TMEM184B: variants seen among roughly 807,000 people sequenced by gnomAD.
The protein encoded by TMEM184B is transmembrane protein 184B.
In TMEM184B, 17 loss-of-function variants were observed where a neutral mutation model predicts 41.8. The ratio of observed to expected loss-of-function variants is 0.41; its 90% CI spans 0.28 to 0.61. TMEM184B has a LOEUF of 0.61. Ranked by LOEUF, TMEM184B falls within the 20% of genes least tolerant of loss-of-function variation. The probability of loss-of-function intolerance (pLI) is 0.34; values close to 1 mark genes in which losing one functional copy is unlikely to be tolerated. For missense variants in TMEM184B, 393 were observed against 557.8 expected, an observed-to-expected ratio of 0.70 and a Z score of 2.98; for synonymous variants, 240 against 229.5, an observed-to-expected ratio of 1.05 and a Z score of -0.41.
At chr22:38,251,995 G>A (rs183101574) in intron 1 of TMEM184B, among the ~76,000 whole-genome samples, 70 of 150,962 alleles carry the variant, frequency 4.6e-4, no homozygotes, top group African/African-American at 1.6e-3. Context: ...CCCTAGGCCC[G>A]AGTGATCCTC....
At chr22:38,222,537 GGGA>G in intron 8 of TMEM184B, 1 of 965,820 alleles carries the variant, frequency 1.0e-6, no homozygotes, top group Non-Finnish European at 1.2e-6. Context: ...GGTGCCGGTG[GGGA>G]GGAGATGAGG....
intron 3 of TMEM184B, among the ~76,000 whole-genome samples, chr22:38,233,380 G>C (rs929259684): frequency 6.6e-6 from 1 of 152,184 alleles, no homozygotes; most frequent in Non-Finnish European, 1.5e-5. Flanking sequence ...AACTTGGCAG[G>C]TGGCTGTGAG....
At position 38,220,803 on chromosome 22, in the gene TMEM184B, C is replaced by T. The variant is rs1372152900; in HGVS notation, c.*666G>A. On this transcript the variant is annotated 3_prime_UTR_variant, in exon 9 of 9. Coordinates refer to ENST00000361906, the MANE Select transcript of TMEM184B (RefSeq NM_012264.5). Reference sequence around the variant, plus strand: ...TGTGGCCACGACAGGTGGGGATACCCAGGGGCCCAGAAGCCCCTGCTTCAA... The same window carrying T: ...TGTGGCCACGACAGGTGGGGATACCTAGGGGCCCAGAAGCCCCTGCTTCAA... 1.0e-6 allele frequency: 1 copy of T among 986,116 alleles called. No homozygotes were observed. The allele number at this position is 986,116 out of a possible 1,614,324, so 61.1% of individuals were successfully genotyped here. A position where few individuals can be genotyped will look rare whatever the true frequency, so the allele number is the denominator to read the frequency against.
intron 3 of TMEM184B, among the ~76,000 whole-genome samples, chr22:38,241,883 CAAAAA>C (rs34060428): frequency 3.1e-5 from 1 of 32,618 alleles, no homozygotes; most frequent in Non-Finnish European, 6.5e-5. Context: ...GACTCCGTCT[CAAAAA>C]AAAAAAAAAA....
intron 1 of TMEM184B, among the ~76,000 whole-genome samples, chr22:38,253,212 T>C (rs564576725): frequency 6.6e-6 from 1 of 152,248 alleles, no homozygotes; most frequent in African/African-American, 2.4e-5. Context: ...GCCCTGGCAC[T>C]CGGGGAGGTG....
rs1266054718 is a variant in TMEM184B, at chr22:38,239,501, T to C, written c.358+6434A>G. The stretch of plus-strand genomic sequence containing the variant: ...TCCATGGTCACCGAGTGGCGGATGG[T>C]TGGGGGTGGGGGTGGGAGTCAGAGC... On this transcript the variant is annotated intron_variant, in intron 3 of 8. Coordinates refer to ENST00000361906, the MANE Select transcript of TMEM184B (RefSeq NM_012264.5). This position sits in a 1 kb window ranked among gnomAD's most constrained non-coding sequence, Gnocchi z 4.6. 6.6e-6 allele frequency: 1 copy of C among 151,666 alleles called. No individual in the cohort carries two copies. The highest frequency in any genetic ancestry group is 2.1e-4 in the South Asian group (1 of 4,786). 9.4% of individuals were successfully genotyped at this position (151,666 alleles called of 1,614,324 possible). A position where few individuals can be genotyped will look rare whatever the true frequency, so the allele number is the denominator to read the frequency against.
chr22:38,233,281 C>T (rs775910826), intron 3 of TMEM184B, among the ~76,000 whole-genome samples: 41 of 152,246 alleles, frequency 2.7e-4, no homozygotes, highest in Non-Finnish European at 4.0e-4. Context: ...TCCCTTCACC[C>T]TTCACACACA....
Position 38,221,369 on chromosome 22 carries a change from G to C in TMEM184B, c.*100C>G, listed in dbSNP as rs889968360. ...GGTCCAATAAATAAAGGCGGCGTGA[G>C]CACTGTGCCAGCTGCCTCCTGGCCT... On this transcript the variant is annotated 3_prime_UTR_variant, in exon 9 of 9. Transcript: ENST00000361906. 1 of 1,496,738 alleles carries C rather than the reference G, an allele frequency of 6.7e-7. No homozygotes were observed. Among genetic ancestry groups the C allele is most frequent in the Non-Finnish European group, 8.8e-7 (1 of 1,130,542 alleles). 92.7% of individuals were successfully genotyped at this position (1,496,738 alleles called of 1,614,324 possible). A position where few individuals can be genotyped will look rare whatever the true frequency, so the allele number is the denominator to read the frequency against.
At position 38,246,359 on chromosome 22, in the gene TMEM184B, G is replaced by A. The variant is rs1017776971; in HGVS notation, c.193-259C>T. On this transcript the variant is annotated intron_variant, in intron 2 of 8. Coordinates refer to ENST00000361906, the MANE Select transcript of TMEM184B (RefSeq NM_012264.5). ...CTGTGGGGCAGTCTTGCAGGTGCAGGTGGCAGTGAGCCCACACCCCTGCCC... is the reference window on the plus strand; with the variant it reads ...CTGTGGGGCAGTCTTGCAGGTGCAGATGGCAGTGAGCCCACACCCCTGCCC... 3.9e-5 allele frequency among the ~76,000 whole-genome samples: 6 copies of A among 152,352 alleles called. No homozygotes were observed. The South Asian group carries it at 8.3e-4, about 21-fold the overall frequency.
chr22:38,223,070 G>C (rs562514169), intron 8 of TMEM184B: 1 of 152,682 alleles, frequency 6.5e-6, no homozygotes, highest in South Asian at 2.1e-4. Flanking sequence ...AGGCTCAGAG[G>C]GAGGGGTTAC....
Position 38,226,696 on chromosome 22 carries a change from TC to T in TMEM184B, c.617+82del. 1 of 1,403,964 alleles carries T rather than the reference TC, an allele frequency of 7.1e-7. No homozygotes were observed. The highest frequency in any genetic ancestry group is 2.0e-4 in the Middle Eastern group (1 of 4,958). 87.0% of individuals were successfully genotyped at this position (1,403,964 alleles called of 1,614,324 possible). A position where few individuals can be genotyped will look rare whatever the true frequency, so the allele number is the denominator to read the frequency against. Reference sequence around the variant, plus strand: ...AGGAAGGTCATGGCTGTGCGGCCACTCTGGCTGCCCCCTTCCCTGAGCCAAG... The same window carrying T: ...AGGAAGGTCATGGCTGTGCGGCCACTTGGCTGCCCCCTTCCCTGAGCCAAG... On this transcript the variant is annotated intron_variant, in intron 6 of 8. Transcript: ENST00000361906. This position sits in a 1 kb window ranked among gnomAD's most constrained non-coding sequence, Gnocchi z 4.6.
chr22:38,227,479 G>A (rs142263753), intron 5 of TMEM184B, among the ~76,000 whole-genome samples: 209 of 152,232 alleles, frequency 1.4e-3, no homozygotes, highest in East Asian at 3.1e-3. Context: ...GGAAGCCGGC[G>A]CAGGTGAGGG....
chr22:38,251,467 A>C (rs1196894805), intron 1 of TMEM184B, among the ~76,000 whole-genome samples: 1 of 152,198 alleles, frequency 6.6e-6, no homozygotes, highest in Non-Finnish European at 1.5e-5. Context: ...CCCAATACCC[A>C]AGAAAGCAGG....
chr22:38,230,266 G>A (rs1456122864), intron 5 of TMEM184B, among the ~76,000 whole-genome samples: 1 of 152,262 alleles, frequency 6.6e-6, no homozygotes, highest in East Asian at 1.9e-4. Context: ...AATGCAGGGA[G>A]AGACGAAGAG....
chr22:38,265,668 A>G (rs1030763778), intron 1 of TMEM184B, among the ~76,000 whole-genome samples: 1 of 152,264 alleles, frequency 6.6e-6, no homozygotes. Flanking sequence ...CAATGAGAAT[A>G]TTAATATAAC....
intron 3 of TMEM184B, among the ~76,000 whole-genome samples, chr22:38,236,663 GT>G (rs1275481380): frequency 6.6e-6 from 1 of 151,668 alleles, no homozygotes; most frequent in South Asian, 2.1e-4. Flanking sequence ...TGTGTTTTTT[GT>G]TTTTTTGTAA....
intron 3 of TMEM184B, among the ~76,000 whole-genome samples, chr22:38,238,441 G>C (rs1218794497): frequency 6.6e-6 from 1 of 151,942 alleles, no homozygotes; most frequent in African/African-American, 2.4e-5. Flanking sequence ...GGCCAGGATG[G>C]TCTCGATCTC....
At chr22:38,232,420 G>A (rs1246956197) in intron 3 of TMEM184B, among the ~76,000 whole-genome samples, 2 of 152,192 alleles carry the variant, frequency 1.3e-5, no homozygotes, top group Non-Finnish European at 2.9e-5. Context: ...GCTGCTGCCT[G>A]CAGGGTGCTA....
chr22:38,227,874 G>A (rs1169809011), intron 5 of TMEM184B, among the ~76,000 whole-genome samples: 1 of 152,164 alleles, frequency 6.6e-6, no homozygotes, highest in Non-Finnish European at 1.5e-5. Flanking sequence ...GATTCCCTAC[G>A]GGCGGACCCA....
Sources: allele counts gnomAD v4.1 joint callset (sites outside exome capture counted in the v4.1 genomes callset), GRCh38; gene constraint gnomAD v4.1.1; non-coding constraint Gnocchi (gnomAD v3.1); transcripts MANE v1.5; gene names NCBI Gene and HGNC (gene_info 2026-07-23, HGNC 2026-07-21).